NPAS3: variants seen among roughly 807,000 people sequenced by gnomAD.
NPAS3 encodes neuronal PAS domain protein 3, also known as neuronal PAS domain-containing protein 3.
A neutral mutation model predicts 73.1 loss-of-function variants in NPAS3; 14 were observed. That is an observed-to-expected ratio of 0.19 (90% CI 0.13 to 0.30). The LOEUF (loss-of-function observed/expected upper bound fraction) is 0.30. Ranked by LOEUF, NPAS3 falls within the 10% of genes least tolerant of loss-of-function variation. The pLI, the probability that NPAS3 is intolerant of heterozygous loss-of-function variation, is 1.00. For missense variants in NPAS3, 1,096 were observed against 1,250.0 expected, an observed-to-expected ratio of 0.88 and a Z score of 1.86; for synonymous variants, 620 against 541.5, an observed-to-expected ratio of 1.14 and a Z score of -2.01.
chr14:33,029,430 T>C (rs938297742), intron 1 of NPAS3, among the ~76,000 whole-genome samples: 1 of 152,284 alleles, frequency 6.6e-6, no homozygotes, highest in African/African-American at 2.4e-5. Flanking sequence ...ACTTGTAGCA[T>C]AGGTTTCAGT....
At chr14:33,681,517 C>T (rs1053636410) in intron 6 of NPAS3, among the ~76,000 whole-genome samples, 2 of 152,122 alleles carry the variant, frequency 1.3e-5, no homozygotes, top group African/African-American at 4.8e-5. Flanking sequence ...AATGTCACTC[C>T]AGTTATTGAT....
intron 4 of NPAS3, among the ~76,000 whole-genome samples, chr14:33,383,181 A>T (rs2046633346): frequency 1.3e-5 from 2 of 151,176 alleles, no homozygotes; most frequent in South Asian, 4.2e-4. Flanking sequence ...AAATGGTTTC[A>T]TGTATGTCTT....
At chr14:33,003,304 A>T (rs1448482733) in intron 1 of NPAS3, among the ~76,000 whole-genome samples, 1 of 152,108 alleles carries the variant, frequency 6.6e-6, no homozygotes, top group African/African-American at 2.4e-5. Flanking sequence ...TTGATAAAAA[A>T]AAAAATAAGC....
intron 4 of NPAS3, among the ~76,000 whole-genome samples, chr14:33,525,709 G>T (rs190530637): frequency 6.6e-6 from 1 of 152,158 alleles, no homozygotes; most frequent in Admixed American, 6.6e-5. Flanking sequence ...TCAAGTTGTA[G>T]GACACATAAA....
intron 1 of NPAS3, among the ~76,000 whole-genome samples, chr14:32,948,311 G>C (rs1420633006): frequency 6.6e-6 from 1 of 152,110 alleles, no homozygotes; most frequent in Non-Finnish European, 1.5e-5. Flanking sequence ...GAAGAATGTA[G>C]AGTAGATATA....
intron 4 of NPAS3, among the ~76,000 whole-genome samples, chr14:33,388,399 T>G (rs2046860090): frequency 6.6e-6 from 1 of 151,822 alleles, no homozygotes; most frequent in Non-Finnish European, 1.5e-5. Context: ...TGAGGTCAAA[T>G]GCCAGTGCTT....
chr14:33,182,052 T>C (rs1159642154), intron 2 of NPAS3, among the ~76,000 whole-genome samples: 1 of 152,230 alleles, frequency 6.6e-6, no homozygotes, highest in Non-Finnish European at 1.5e-5. Context: ...ACAGGATCTT[T>C]CTTTTTGAAA....
chr14:33,101,379 A>G (rs1301718787), intron 2 of NPAS3, among the ~76,000 whole-genome samples: 1 of 152,240 alleles, frequency 6.6e-6, no homozygotes, highest in Non-Finnish European at 1.5e-5. Flanking sequence ...GGTGTATTGT[A>G]AACAAAGGAT....
At chr14:33,521,416 A>G (rs536696188) in intron 4 of NPAS3, among the ~76,000 whole-genome samples, 1 of 151,834 alleles carries the variant, frequency 6.6e-6, no homozygotes, top group Admixed American at 6.6e-5. Context: ...ACGTGTGACA[A>G]TGGTGAAGAC....
chr14:33,360,995 G>A (rs1301730923), intron 3 of NPAS3, among the ~76,000 whole-genome samples: 1 of 152,106 alleles, frequency 6.6e-6, no homozygotes, highest in Non-Finnish European at 1.5e-5. Flanking sequence ...ATTGTCAAGG[G>A]GAAGTGTGGG....
At chr14:33,487,921 G>T (rs976680135) in intron 4 of NPAS3, among the ~76,000 whole-genome samples, 1 of 152,058 alleles carries the variant, frequency 6.6e-6, no homozygotes, top group Non-Finnish European at 1.5e-5. Context: ...TCTGTCTTTC[G>T]AATTGAAGGA....
chr14:32,943,258 T>A (rs917429264), intron 1 of NPAS3, among the ~76,000 whole-genome samples: 67 of 152,190 alleles, frequency 4.4e-4, no homozygotes, highest in African/African-American at 1.5e-3. Context: ...TTATATAGTC[T>A]TAAAAATATG....
intron 2 of NPAS3, among the ~76,000 whole-genome samples, chr14:33,086,592 A>C (rs898105107): frequency 6.6e-6 from 1 of 152,194 alleles, no homozygotes; most frequent in Non-Finnish European, 1.5e-5. Context: ...TGTCAAGCAC[A>C]ATCACGTAAA....
exon 4 of NPAS3, chr14:33,367,244 A>G (rs2045884366): frequency 1.2e-6 from 1 of 867,220 alleles, no homozygotes; most frequent in Admixed American, 1.7e-5. Context: ...TATTTGAAGC[A>G]CATTTGGGAA....
chr14:33,330,597 G>A (rs2043939746), intron 3 of NPAS3, among the ~76,000 whole-genome samples: 1 of 152,170 alleles, frequency 6.6e-6, no homozygotes, highest in African/African-American at 2.4e-5. Context: ...TATTCACTGT[G>A]TACTAAATAT....
intron 5 of NPAS3, among the ~76,000 whole-genome samples, chr14:33,567,293 T>C (rs2056004645): frequency 6.6e-6 from 1 of 152,230 alleles, no homozygotes; most frequent in Non-Finnish European, 1.5e-5. Flanking sequence ...AAGACGTGCT[T>C]CCTTGCTTTT....
At chr14:33,472,136 C>T (rs962510049) in intron 4 of NPAS3, among the ~76,000 whole-genome samples, 1 of 152,136 alleles carries the variant, frequency 6.6e-6, no homozygotes, top group African/African-American at 2.4e-5. Flanking sequence ...GAGGTGACTG[C>T]AGTTACAAAT....
intron 1 of NPAS3, among the ~76,000 whole-genome samples, chr14:32,999,427 T>C (rs368765963): frequency 1.3e-5 from 2 of 151,726 alleles, no homozygotes; most frequent in African/African-American, 2.4e-5. Context: ...AGGAGAATGG[T>C]GTGAACCCGG....
At chr14:33,067,101 T>C (rs1486580366) in intron 2 of NPAS3, among the ~76,000 whole-genome samples, 1 of 152,232 alleles carries the variant, frequency 6.6e-6, no homozygotes, top group African/African-American at 2.4e-5. Flanking sequence ...ATCTGGTAAC[T>C]AACTATTGGA....
Sources: gnomAD v4.1 joint callset for allele counts (sites outside exome capture counted in the v4.1 genomes callset) on GRCh38, gnomAD v4.1.1 for gene constraint, MANE v1.5 for transcripts, NCBI Gene and HGNC (gene_info 2026-07-23, HGNC 2026-07-21) for gene names.